CPE: variants seen among roughly 807,000 people sequenced by gnomAD.
CPE encodes carboxypeptidase E, also known as carbocypeptidase E.
Under a neutral mutation model 53.5 loss-of-function variants are expected in CPE, and 17 were observed. The ratio of observed to expected loss-of-function variants is 0.32; its 90% CI spans 0.22 to 0.48. The LOEUF is 0.48. Among genes scored for constraint, CPE ranks in the 20% least tolerant of loss-of-function variants. The pLI, the probability that CPE is intolerant of heterozygous loss-of-function variation, is 0.99. For synonymous variants in CPE, 226 were observed against 228.8 expected, an observed-to-expected ratio of 0.99 and a Z score of 0.11; for missense variants, 524 against 614.7, an observed-to-expected ratio of 0.85 and a Z score of 1.56.
intron 1 of CPE, among the ~76,000 whole-genome samples, chr4:165,444,627 C>T (rs1414196403): frequency 2.0e-5 from 3 of 152,190 alleles, no homozygotes; most frequent in East Asian, 1.9e-4. Flanking sequence ...CAGCTTCTGC[C>T]GTTCTTCATA....
At chr4:165,442,047 G>GTTTTTTTTTTTTTTTTTT (rs1054878301) in intron 1 of CPE, among the ~76,000 whole-genome samples, 2 of 57,116 alleles carry the variant, frequency 3.5e-5, no homozygotes, top group African/African-American at 1.3e-4. Flanking sequence ...TTTTTTTTTT[G>GTTTTTTTTTTTTTTTTTT]TTTTTTTTTT....
At chr4:165,488,179 T>TATC (rs540174123) in intron 6 of CPE, among the ~76,000 whole-genome samples, 214 of 152,252 alleles carry the variant, frequency 1.4e-3, no homozygotes, top group Non-Finnish European at 2.5e-3. Context: ...TGAGGGAAAT[T>TATC]ATCATCATCA....
In CPE at chr4:165,461,182, A is replaced by G. The variant is rs113004912; in HGVS notation, c.308-3208A>G. 9.1e-3 allele frequency among the ~76,000 whole-genome samples: 627 copies of G among 69,264 alleles called. 30 individuals are homozygous for G. The highest frequency in any genetic ancestry group is 0.036 in the African/African-American group (613 of 17,090). The allele number at this position is 69,264 out of a possible 152,430, so 45.4% of individuals were successfully genotyped here. ...CCTCTGCCTCAAAAAAAAAAAAAAA[A>G]AAAAAGAAAGAAAGAAAAGAAAAGA... is the stretch of plus-strand genomic sequence containing the variant. On this transcript the variant is annotated intron_variant, in intron 1 of 8. Coordinates refer to ENST00000402744, the MANE Select transcript of CPE (RefSeq NM_001873.4).
At chr4:165,493,574 G>T (rs1381285756) in intron 7 of CPE, among the ~76,000 whole-genome samples, 1 of 152,150 alleles carries the variant, frequency 6.6e-6, no homozygotes, top group Non-Finnish European at 1.5e-5. Flanking sequence ...TTCAGGCAAA[G>T]GAAAAGGAGC....
intron 4 of CPE, among the ~76,000 whole-genome samples, chr4:165,483,414 A>G (rs1203908349): frequency 6.6e-6 from 1 of 152,222 alleles, no homozygotes; most frequent in Non-Finnish European, 1.5e-5. Context: ...GGTTGATTCC[A>G]TGACTCTGCT....
chr4:165,416,794 C>T (rs1456906130), intron 1 of CPE, among the ~76,000 whole-genome samples: 3 of 151,886 alleles, frequency 2.0e-5, no homozygotes, highest in Admixed American at 6.6e-5. Flanking sequence ...CCTGTTAGGC[C>T]ATAAGCTCAG....
Position 165,379,275 on chromosome 4 carries a change from C to G in CPE, c.54C>G (p.Ala18=). The part of the protein sequence containing the change: ...ALLALCGALA[A]CGWLLGAEAQ... ...TGGCTCTGTGCGGGGCACTGGCTGC[C>G]TGCGGGTGGCTCCTGGGCGCCGAAG... The change falls in exon 1 of 9, where the codon GCC becomes GCG. Residue 18 remains alanine (A), a synonymous_variant. Transcript: ENST00000402744. This position sits in a 1 kb window ranked among gnomAD's most constrained non-coding sequence, Gnocchi z 6.0. 1 of 1,465,234 alleles carries G rather than the reference C, an allele frequency of 6.8e-7. No individual in the cohort carries two copies. Among genetic ancestry groups the G allele is most frequent in the Middle Eastern group, 2.5e-4 (1 of 3,980 alleles). The allele number at this position is 1,465,234 out of a possible 1,614,324, so 90.8% of individuals were successfully genotyped here.
chr4:165,434,703 G>A (rs1408335863), intron 1 of CPE, among the ~76,000 whole-genome samples: 5 of 152,046 alleles, frequency 3.3e-5, no homozygotes, highest in Non-Finnish European at 7.4e-5. Flanking sequence ...CAGTGTGAAG[G>A]GTATATGCAG....
chr4:165,440,224 G>A (rs1357050754), intron 1 of CPE, among the ~76,000 whole-genome samples: 1 of 151,962 alleles, frequency 6.6e-6, no homozygotes, highest in Non-Finnish European at 1.5e-5. Flanking sequence ...CTTCTGCCAG[G>A]GATATATCAG....
At position 165,381,103 on chromosome 4, in the gene CPE, C is replaced by T. The variant is rs575260607; in HGVS notation, c.307+1575C>T. On this transcript the variant is annotated intron_variant, in intron 1 of 8. Transcript: ENST00000402744. ...GATCCCAGAGTTTTTTGCGTTGTTACTTCAAGAGATTATATGAAAGCTAAT... is the reference window on the plus strand; with the variant it reads ...GATCCCAGAGTTTTTTGCGTTGTTATTTCAAGAGATTATATGAAAGCTAAT... 2.0e-5 allele frequency among the ~76,000 whole-genome samples: 3 copies of T among 152,252 alleles called. No homozygotes were observed. The East Asian group carries it at 5.8e-4, about 29-fold the overall frequency.
At chr4:165,421,608 C>T (rs561613812) in intron 1 of CPE, among the ~76,000 whole-genome samples, 8 of 152,332 alleles carry the variant, frequency 5.3e-5, no homozygotes, top group African/African-American at 1.7e-4. Context: ...GCCACCTTCA[C>T]ATAGTATACC....
At chr4:165,405,341 C>T in intron 1 of CPE, 1 of 1,425,156 alleles carries the variant, frequency 7.0e-7, no homozygotes, top group South Asian at 1.1e-5. Flanking sequence ...ATGGTAGAGT[C>T]CCATCAAGGC....
At chr4:165,453,067 C>A (rs987155945) in intron 1 of CPE, among the ~76,000 whole-genome samples, 3 of 152,026 alleles carry the variant, frequency 2.0e-5, no homozygotes, top group Non-Finnish European at 4.4e-5. Context: ...TCAAGTGATT[C>A]TCCCGCCTCA....
chr4:165,481,468 C>T (rs1732410737), intron 3 of CPE, among the ~76,000 whole-genome samples: 1 of 152,132 alleles, frequency 6.6e-6, no homozygotes, highest in Non-Finnish European at 1.5e-5. Flanking sequence ...TTCTTTTCAT[C>T]AGAGAAGCAC....
chr4:165,409,288 C>T (rs1730999793), intron 1 of CPE, among the ~76,000 whole-genome samples: 1 of 152,068 alleles, frequency 6.6e-6, no homozygotes, highest in African/African-American at 2.4e-5. Context: ...ACTGCAACCT[C>T]TGCCTCCAGG....
chr4:165,450,376 C>T (rs1409992905), intron 1 of CPE, among the ~76,000 whole-genome samples: 1 of 152,094 alleles, frequency 6.6e-6, no homozygotes, highest in South Asian at 2.1e-4. Context: ...AAGGTCCTAT[C>T]TCAGTCCCTG....
At chr4:165,477,692 T>C (rs1451687419) in intron 3 of CPE, among the ~76,000 whole-genome samples, 4 of 149,436 alleles carry the variant, frequency 2.7e-5, no homozygotes, top group Admixed American at 2.7e-4. Flanking sequence ...TAATAGAAAA[T>C]AGAAATGCAG....
Position 165,487,423 on chromosome 4 carries a change from T to C in CPE, c.974-15T>C. On this transcript the variant is annotated splice_polypyrimidine_tract_variant and intron_variant, in intron 5 of 8. Transcript: ENST00000402744. ...CCTTGTGCATATTTTGACTTTCCAT[T>C]TGGTGTTTTGGCAGGGATGCAAGAC... The C allele has an allele frequency of 6.2e-7, 1 of 1,613,470 alleles. No homozygotes were observed. The highest frequency in any genetic ancestry group is 1.1e-5 in the South Asian group (1 of 91,030).
chr4:165,422,970 C>T (rs1731250883), intron 1 of CPE, among the ~76,000 whole-genome samples: 2 of 94,598 alleles, frequency 2.1e-5, no homozygotes, highest in South Asian at 7.0e-4. Flanking sequence ...GAACGAAACT[C>T]TGTCTCAAAA....
Sources: allele counts gnomAD v4.1 joint callset (sites outside exome capture counted in the v4.1 genomes callset), GRCh38; gene constraint gnomAD v4.1.1; non-coding constraint Gnocchi (gnomAD v3.1); transcripts MANE v1.5; gene names NCBI Gene and HGNC (gene_info 2026-07-23, HGNC 2026-07-21).